Variants in TMEM132B observed in about 807,000 individuals in gnomAD.
The protein encoded by TMEM132B is transmembrane protein 132B.
A neutral mutation model predicts 90.8 loss-of-function variants in TMEM132B; 18 were observed. That is an observed-to-expected ratio of 0.20 (90% CI 0.14 to 0.29). TMEM132B has a LOEUF of 0.29. TMEM132B is among the 10% of genes least tolerant of loss of function. The pLI, the probability that TMEM132B is intolerant of heterozygous loss-of-function variation, is 1.00. For missense variants in TMEM132B, 1,096 were observed against 1,326.8 expected, an observed-to-expected ratio of 0.83 and a Z score of 2.70; for synonymous variants, 504 against 523.3, an observed-to-expected ratio of 0.96 and a Z score of 0.50.
intron 1 of TMEM132B, among the ~76,000 whole-genome samples, chr12:125,303,349 A>T (rs2136165841): frequency 6.6e-6 from 1 of 152,170 alleles, no homozygotes; most frequent in South Asian, 2.1e-4. Flanking sequence ...ATAATATTCC[A>T]TTGTGTGGAT....
chr12:125,225,753 A>G (rs1873666181), intron 1 of TMEM132B, among the ~76,000 whole-genome samples: 1 of 152,110 alleles, frequency 6.6e-6, no homozygotes, highest in South Asian at 2.1e-4. Flanking sequence ...TGCATATAGG[A>G]AAACAAATTT....
intron 2 of TMEM132B, among the ~76,000 whole-genome samples, chr12:125,380,870 G>A (rs1267673171): frequency 6.6e-6 from 1 of 152,174 alleles, no homozygotes; most frequent in East Asian, 1.9e-4. Context: ...ACTTCCTTCT[G>A]TCCTTCTGGC....
intron 5 of TMEM132B, among the ~76,000 whole-genome samples, chr12:125,613,781 A>C (rs1353927865): frequency 6.6e-6 from 1 of 152,032 alleles, no homozygotes; most frequent in Non-Finnish European, 1.5e-5. Context: ...ATATAATGTT[A>C]TGTCTCAGAA....
chr12:125,433,389 C>T (rs1292976366), intron 3 of TMEM132B, among the ~76,000 whole-genome samples: 2 of 152,086 alleles, frequency 1.3e-5, no homozygotes, highest in Non-Finnish European at 2.9e-5. Flanking sequence ...GAAGGACCCT[C>T]GGGTCATTCC....
intron 1 of TMEM132B, among the ~76,000 whole-genome samples, chr12:125,201,289 A>G (rs1873052459): frequency 6.6e-6 from 1 of 152,226 alleles, no homozygotes; most frequent in Non-Finnish European, 1.5e-5. Context: ...CTGTCATCTC[A>G]GGTCATTTCA....
At chr12:125,211,076 A>T (rs1203275232) in intron 1 of TMEM132B, among the ~76,000 whole-genome samples, 1 of 141,388 alleles carries the variant, frequency 7.1e-6, no homozygotes, top group Non-Finnish European at 1.6e-5. Context: ...CTCAAAAAAA[A>T]AAAATGTGAA....
At chr12:125,235,885 C>G (rs1007229616) in intron 1 of TMEM132B, among the ~76,000 whole-genome samples, 1 of 137,758 alleles carries the variant, frequency 7.3e-6, no homozygotes, top group African/African-American at 2.7e-5. Flanking sequence ...CTCACTGCAA[C>G]CTCTGTCTGC....
chr12:125,483,961 A>G (rs890737382), intron 3 of TMEM132B, among the ~76,000 whole-genome samples: 2 of 152,176 alleles, frequency 1.3e-5, no homozygotes, highest in African/African-American at 4.8e-5. Flanking sequence ...CCTAACATGA[A>G]CATAATTGCT....
At chr12:125,627,856 C>A (rs1456231221) in intron 5 of TMEM132B, among the ~76,000 whole-genome samples, 2 of 152,132 alleles carry the variant, frequency 1.3e-5, no homozygotes, top group African/African-American at 2.4e-5. Flanking sequence ...CTTCCACTAT[C>A]TTCGTGAGTT....
Position 125,435,567 on chromosome 12 carries a change from T to G in TMEM132B, c.1106+19890T>G, listed in dbSNP as rs566488616. 5.2e-4 allele frequency among the ~76,000 whole-genome samples: 79 copies of G among 152,302 alleles called. 1 individual carries two copies. Among genetic ancestry groups the G allele is most frequent in the Non-Finnish European group, 8.7e-4 (59 of 68,020 alleles). Reference sequence around the variant, plus strand: ...AGCCCTCCCAAGAGCCAGGCACTAGTATAGGTGCTGAATTTACCGCACTGA... The same window carrying G: ...AGCCCTCCCAAGAGCCAGGCACTAGGATAGGTGCTGAATTTACCGCACTGA... On this transcript the variant is annotated intron_variant, in intron 3 of 8. Transcript: ENST00000682704.
chr12:125,335,639 T>C lies in TMEM132B; in HGVS notation c.68-13813T>C, dbSNP rs778225111. Among the ~76,000 whole-genome samples the C allele has an allele frequency of 1.4e-4, 22 of 152,238 alleles. 1 individual carries two copies. Among genetic ancestry groups the C allele is most frequent in the Admixed American group, 2.6e-4 (4 of 15,290 alleles). ...GTGACATGGAGAATAAAGTCAGCTT[T>C]GTAGAAGACAGAGCAGGGTGATGGG... is the stretch of plus-strand genomic sequence containing the variant. On this transcript the variant is annotated intron_variant, in intron 1 of 8. Coordinates refer to ENST00000682704, the MANE Select transcript of TMEM132B (RefSeq NM_001366854.1).
intron 5 of TMEM132B, among the ~76,000 whole-genome samples, chr12:125,632,355 A>C (rs1886385851): frequency 6.6e-6 from 1 of 151,940 alleles, no homozygotes; most frequent in African/African-American, 2.4e-5. Flanking sequence ...TGTCCTGAAG[A>C]GTTGTTACAG....
chr12:125,360,880 G>C (rs77598941), intron 2 of TMEM132B, among the ~76,000 whole-genome samples: 1,879 of 152,056 alleles, frequency 0.012, 43 homozygotes, highest in African/African-American at 0.042. Context: ...GGCTTGGGGT[G>C]AAATCTCAAC....
intron 5 of TMEM132B, among the ~76,000 whole-genome samples, chr12:125,629,573 A>G (rs1354991936): frequency 6.6e-6 from 1 of 152,106 alleles, no homozygotes; most frequent in Non-Finnish European, 1.5e-5. Flanking sequence ...ATAAGATCAT[A>G]TAATCTGCAA....
rs190055384 is a variant in TMEM132B at position 125,420,051 on chromosome 12, C to T, written c.1106+4374C>T. ...TGTGGCTTTGCAGGGTACACCAGCCCCCTTCCTGGCTACTTTCATGGGCTG... is the reference window on the plus strand; with the variant it reads ...TGTGGCTTTGCAGGGTACACCAGCCTCCTTCCTGGCTACTTTCATGGGCTG... On this transcript the variant is annotated intron_variant, in intron 3 of 8. Transcript: ENST00000682704. 1.6e-4 allele frequency among the ~76,000 whole-genome samples: 25 copies of T among 152,350 alleles called. 1 individual carries two copies. The highest frequency in any genetic ancestry group is 1.3e-3 in the Admixed American group (20 of 15,306).
Position 125,407,235 on chromosome 12 carries a change from A to T in TMEM132B, c.960-8296A>T, listed in dbSNP as rs545181808. On this transcript the variant is annotated intron_variant, in intron 2 of 8. Transcript: ENST00000682704. This position sits in a 1 kb window ranked among gnomAD's most constrained non-coding sequence, Gnocchi z 6.7. ...ACACTCTTATCAGGCAAGAAATTCC[A>T]AAGGCTTAAAAGTTAGTTCTCAGGA... Among the ~76,000 whole-genome samples the T allele has an allele frequency of 5.3e-5, 8 of 152,348 alleles. No individual in the cohort carries two copies. In the South Asian group the frequency reaches 1.0e-3, roughly 20 times the overall value.
intron 5 of TMEM132B, chr12:125,585,794 T>C (rs1476636069): frequency 6.6e-6 from 1 of 152,198 alleles, no homozygotes; most frequent in African/African-American, 2.4e-5. Flanking sequence ...CTGTCACCTA[T>C]ATAGCCTCAG....
intron 1 of TMEM132B, among the ~76,000 whole-genome samples, chr12:125,193,666 G>T (rs1227457687): frequency 6.6e-6 from 1 of 152,186 alleles, no homozygotes; most frequent in Non-Finnish European, 1.5e-5. Context: ...ATCCTTGCAC[G>T]GTTCTTTGCA....
chr12:125,367,735 T>G (rs1449307775), intron 2 of TMEM132B, among the ~76,000 whole-genome samples: 2 of 152,234 alleles, frequency 1.3e-5, no homozygotes, highest in Admixed American at 1.3e-4. Flanking sequence ...TTTTGTTTAC[T>G]CTCTAGTGCC....
Sources: gnomAD v4.1 joint callset for allele counts (sites outside exome capture counted in the v4.1 genomes callset) on GRCh38, gnomAD v4.1.1 for gene constraint, Gnocchi (gnomAD v3.1) non-coding constraint, MANE v1.5 for transcripts, NCBI Gene and HGNC (gene_info 2026-07-23, HGNC 2026-07-21) for gene names.